Variants in SLC24A2 observed in about 807,000 individuals in gnomAD.
SLC24A2 encodes sodium/potassium/calcium exchanger 2.
In SLC24A2, 36 loss-of-function variants were observed where a neutral mutation model predicts 62.0. That is an observed-to-expected ratio of 0.58 (90% CI 0.44 to 0.77). The LOEUF is 0.77. SLC24A2 is among the 30% of genes least tolerant of loss of function. The probability of loss-of-function intolerance (pLI) is 0.00; values close to 1 mark genes in which losing one functional copy is unlikely to be tolerated. For synonymous variants in SLC24A2, 358 were observed against 294.0 expected (o/e 1.22, Z -2.23); for missense variants, 846 against 817.9 (o/e 1.03, Z -0.42).
the SLC24A2 span, among the ~76,000 whole-genome samples, chr9:20,087,465 C>G: frequency 6.6e-6 from 1 of 152,162 alleles, no homozygotes; most frequent in Non-Finnish European, 1.5e-5. Flanking sequence ...CAAAATTAGA[C>G]TCACCACTCA....
the SLC24A2 span, among the ~76,000 whole-genome samples, chr9:20,300,249 C>T: frequency 6.6e-6 from 1 of 152,116 alleles, no homozygotes. Flanking sequence ...GAGCATTTAT[C>T]CTTTGTGTTA....
chr9:19,608,201 T>C (rs543007933), intron 4 of SLC24A2, among the ~76,000 whole-genome samples: 3 of 152,168 alleles, frequency 2.0e-5, no homozygotes, highest in Non-Finnish European at 4.4e-5. Flanking sequence ...AAATTTAAGA[T>C]AGAAAGATTA....
the SLC24A2 span, among the ~76,000 whole-genome samples, chr9:20,095,077 A>G: frequency 4.4e-3 from 675 of 152,292 alleles, 10 homozygotes; most frequent in African/African-American, 0.015. Flanking sequence ...AATGTAGCAG[A>G]TATGACATCC....
chr9:19,678,390 G>A (rs1174731529), intron 2 of SLC24A2, among the ~76,000 whole-genome samples: 1 of 152,182 alleles, frequency 6.6e-6, no homozygotes, highest in Non-Finnish European at 1.5e-5. Flanking sequence ...TGCATCTGTA[G>A]ACTTCAAGAC....
chr9:20,099,408 C>A, the SLC24A2 span, among the ~76,000 whole-genome samples: 1 of 152,152 alleles, frequency 6.6e-6, no homozygotes, highest in Non-Finnish European at 1.5e-5. Context: ...GAACTGAAAT[C>A]TGCTCACAGG....
chr9:19,683,062 A>G (rs1321757613), intron 2 of SLC24A2, among the ~76,000 whole-genome samples: 2 of 152,142 alleles, frequency 1.3e-5, no homozygotes, highest in Non-Finnish European at 2.9e-5. Flanking sequence ...CATTCCTAGC[A>G]TAATGCTGAT....
the SLC24A2 span, among the ~76,000 whole-genome samples, chr9:19,946,667 C>A: frequency 3.0e-3 from 454 of 152,312 alleles, 2 homozygotes; most frequent in African/African-American, 0.01. Context: ...CAGCAGATGC[C>A]AGCACTTCCT....
At chr9:19,743,216 C>T (rs1047516768) in intron 2 of SLC24A2, among the ~76,000 whole-genome samples, 1 of 152,134 alleles carries the variant, frequency 6.6e-6, no homozygotes, top group Non-Finnish European at 1.5e-5. Flanking sequence ...AAAGTAGTTA[C>T]GGCTGAGTTG....
At chr9:20,164,870 A>G in the SLC24A2 span, among the ~76,000 whole-genome samples, 1 of 151,366 alleles carries the variant, frequency 6.6e-6, no homozygotes, top group Non-Finnish European at 1.5e-5. Flanking sequence ...CATTCTCAGT[A>G]AACTATCGCA....
chr9:19,938,966 G>A, the SLC24A2 span, among the ~76,000 whole-genome samples: 1 of 152,034 alleles, frequency 6.6e-6, no homozygotes, highest in South Asian at 2.1e-4. Context: ...TTACAAATAG[G>A]CAATAAACAA....
chr9:19,812,653 A>AT, the SLC24A2 span, among the ~76,000 whole-genome samples: 1 of 151,960 alleles, frequency 6.6e-6, no homozygotes, highest in African/African-American at 2.4e-5. Context: ...CTGTTGTCTA[A>AT]TTTTTCTCTT....
intron 2 of SLC24A2, among the ~76,000 whole-genome samples, chr9:19,676,041 G>A (rs1273292914): frequency 6.6e-6 from 1 of 152,162 alleles, no homozygotes; most frequent in Non-Finnish European, 1.5e-5. Flanking sequence ...AGCCCATAGG[G>A]CTCTTCCCAC....
At chr9:20,202,075 G>A in the SLC24A2 span, among the ~76,000 whole-genome samples, 1 of 151,908 alleles carries the variant, frequency 6.6e-6, no homozygotes, top group Non-Finnish European at 1.5e-5. Context: ...GTGTGTGTGT[G>A]TGTGTGTGTG....
chr9:20,207,265 A>C, the SLC24A2 span, among the ~76,000 whole-genome samples: 2 of 152,234 alleles, frequency 1.3e-5, no homozygotes, highest in African/African-American at 4.8e-5. Flanking sequence ...AAAAACATAA[A>C]GGAAAGATCA....
intron 7 of SLC24A2, among the ~76,000 whole-genome samples, chr9:19,572,137 G>A (rs190102377): frequency 2.4e-4 from 36 of 151,862 alleles, no homozygotes; most frequent in African/African-American, 8.2e-4. Context: ...GCCGGGTGTG[G>A]TGGTGCGAGC....
chr9:19,690,252 A>C (rs988246169), intron 2 of SLC24A2, among the ~76,000 whole-genome samples: 10 of 152,054 alleles, frequency 6.6e-5, no homozygotes, highest in Non-Finnish European at 1.3e-4. Flanking sequence ...GAGAGCTCTG[A>C]CTAATACACC....
At chr9:19,864,289 T>C in the SLC24A2 span, among the ~76,000 whole-genome samples, 1 of 151,324 alleles carries the variant, frequency 6.6e-6, no homozygotes, top group African/African-American at 2.4e-5. Context: ...TTCCAAAAAA[T>C]AGAGGAGGCA....
chr9:19,574,316 A>T (rs1835942946), intron 6 of SLC24A2, among the ~76,000 whole-genome samples: 1 of 152,214 alleles, frequency 6.6e-6, no homozygotes, highest in Non-Finnish European at 1.5e-5. Context: ...GCTAGAGTAA[A>T]GCCAGAGGGT....
At chr9:20,095,775 T>A in the SLC24A2 span, among the ~76,000 whole-genome samples, 2 of 151,704 alleles carry the variant, frequency 1.3e-5, no homozygotes, top group Admixed American at 6.6e-5. Context: ...AAAAAAGAGT[T>A]TTAATGGACT....
Sources: gnomAD v4.1 joint callset for allele counts (sites outside exome capture counted in the v4.1 genomes callset) on GRCh38, gnomAD v4.1.1 for gene constraint, MANE v1.5 for transcripts, NCBI Gene and HGNC (gene_info 2026-07-23, HGNC 2026-07-21) for gene names.